The following FBXO38 variants were observed in gnomAD, a reference collection of about 807,000 sequenced individuals.
FBXO38 encodes the protein F-box only protein 38.
A neutral mutation model predicts 131.9 loss-of-function variants in FBXO38; 53 were observed. The ratio of observed to expected loss-of-function variants is 0.40; its 90% CI spans 0.32 to 0.51. The LOEUF (loss-of-function observed/expected upper bound fraction) is 0.51. FBXO38 is among the 20% of genes least tolerant of loss of function. The pLI is 0.53. For missense variants in FBXO38, 1,076 were observed against 1,475.6 expected, an observed-to-expected ratio of 0.73 and a Z score of 4.44; for synonymous variants, 452 against 505.6, an observed-to-expected ratio of 0.89 and a Z score of 1.42.
At chr5:148,396,829 C>T (rs1224139788) in intron 2 of FBXO38, among the ~76,000 whole-genome samples, 1 of 152,076 alleles carries the variant, frequency 6.6e-6, no homozygotes, top group African/African-American at 2.4e-5. Context: ...TTGGTCTTAA[C>T]TTCTGGCCTC....
intron 11 of FBXO38, among the ~76,000 whole-genome samples, chr5:148,416,279 G>C (rs919199939): frequency 1.3e-5 from 2 of 151,896 alleles, no homozygotes; most frequent in African/African-American, 4.8e-5. Context: ...CTCTGGGGAA[G>C]GGTAAGGAAA....
At chr5:148,401,831 A>G in intron 3 of FBXO38, 151 bp from the exon 4 acceptor site, 1 of 595,252 alleles carries the variant, frequency 1.7e-6, no homozygotes, top group Non-Finnish European at 2.8e-6. Context: ...AAAGGAGTAT[A>G]TTTTCTGTTA....
At chr5:148,440,675 T>A in intron 20 of FBXO38, 148 bp downstream of exon 20, 1 of 575,434 alleles carries the variant, frequency 1.7e-6, no homozygotes, top group Non-Finnish European at 3.1e-6. Context: ...CCCTTTCTCA[T>A]TCACGGATGA....
chr5:148,392,636 A>G (rs192171106), intron 1 of FBXO38, among the ~76,000 whole-genome samples: 258 of 146,850 alleles, frequency 1.8e-3, no homozygotes, highest in African/African-American at 6.4e-3. Flanking sequence ...TAATAGCTAA[A>G]TCCTTGGGAA....
In FBXO38 at chr5:148,399,062, G is replaced by A. The variant is rs763779865; in HGVS notation, c.192G>A (p.Val64=). ...TTTCCCGGAAGCTAAAGGAAGCAGT[G>A]ACCCTATATCTGCGAGTTGTGAGAG... The part of the protein sequence containing the change: ...ECLSRKLKEA[V]TLYLRVVRVV... Residue 64 remains valine (V), a synonymous_variant, in exon 3 of 22, where the codon GTG becomes GTA. Coordinates refer to ENST00000340253, the MANE Select transcript of FBXO38 (RefSeq NM_205836.3). 9 of 1,613,596 alleles carry A rather than the reference G, an allele frequency of 5.6e-6. No individual in the cohort carries two copies. Among genetic ancestry groups the A allele is most frequent in the Non-Finnish European group, 7.6e-6 (9 of 1,179,666 alleles).
intron 1 of FBXO38, among the ~76,000 whole-genome samples, chr5:148,386,051 G>GCTAA (rs1757896358): frequency 6.6e-6 from 1 of 152,174 alleles, no homozygotes; most frequent in Non-Finnish European, 1.5e-5. Context: ...GCTTCCTGTG[G>GCTAA]CTAAGGTCAG....
intron 1 of FBXO38, among the ~76,000 whole-genome samples, chr5:148,388,518 G>C (rs1034486090): frequency 6.6e-6 from 1 of 152,224 alleles, no homozygotes; most frequent in Non-Finnish European, 1.5e-5. Context: ...ATCTAAGTTA[G>C]ATCTTTTGGA....
chr5:148,430,328 A>AT (rs1293968541), intron 15 of FBXO38: 37 of 130,264 alleles, frequency 2.8e-4, no homozygotes, highest in Non-Finnish European at 4.5e-4. Flanking sequence ...CTAATTTTTT[A>AT]TTTTTTTTTT....
chr5:148,402,335 C>T lies in FBXO38; in HGVS notation c.427-13C>T, dbSNP rs186474678. ...AAGTCTTTTCTTATGCTTGCTTTGG[C>T]ATTATTTTCTAGGGTGTGGAAACTT... On this transcript the variant is annotated splice_polypyrimidine_tract_variant and intron_variant, in intron 4 of 21. Transcript: ENST00000340253. 1.3e-6 allele frequency: 2 copies of T among 1,584,492 alleles called. No homozygotes were observed. Among genetic ancestry groups the T allele is most frequent in the East Asian group, 2.3e-5 (1 of 44,360 alleles).
chr5:148,391,289 T>C (rs1292444264), intron 1 of FBXO38, among the ~76,000 whole-genome samples: 1 of 152,222 alleles, frequency 6.6e-6, no homozygotes, highest in African/African-American at 2.4e-5. Context: ...ATACATTAGA[T>C]ATTTGAGGAT....
chr5:148,407,890 A>G (rs1467668754), intron 7 of FBXO38, among the ~76,000 whole-genome samples: 2 of 151,888 alleles, frequency 1.3e-5, no homozygotes, highest in African/African-American at 4.8e-5. Flanking sequence ...GCACCACTGC[A>G]CTCCAGCCTG....
chr5:148,409,262 A>C (rs1357823675), intron 8 of FBXO38, 45 bp downstream of exon 8: 1 of 1,280,816 alleles, frequency 7.8e-7, no homozygotes, highest in Non-Finnish European at 1.1e-6. Context: ...AGAAGTAATT[A>C]TGTTTTTCCC....
rs149989156 is a variant in FBXO38 at position 148,399,787 on chromosome 5, G to A, written c.262+655G>A. The stretch of plus-strand genomic sequence containing the variant: ...CAATTAAGGCTTCTTTTCACTTAAC[G>A]CCAATCCATTAATTGGTAAAATTTA... On this transcript the variant is annotated intron_variant, in intron 3 of 21. Transcript: ENST00000340253. Among the ~76,000 whole-genome samples, 373 of 152,102 alleles carry A rather than the reference G, an allele frequency of 2.5e-3. 1 individual carries two copies. Among genetic ancestry groups the A allele is most frequent in the African/African-American group, 8.6e-3 (357 of 41,492 alleles).
intron 15 of FBXO38, among the ~76,000 whole-genome samples, chr5:148,428,182 A>G (rs985751236): frequency 1.3e-5 from 2 of 152,328 alleles, no homozygotes; most frequent in Admixed American, 1.3e-4. Context: ...TTTAAGGAAA[A>G]TGTCATTGTG....
At chr5:148,407,041 C>T (rs1180347252) in intron 7 of FBXO38, among the ~76,000 whole-genome samples, 1 of 152,134 alleles carries the variant, frequency 6.6e-6, no homozygotes, top group Non-Finnish European at 1.5e-5. Flanking sequence ...AATGGAAAGT[C>T]ATCAAGTACC....
intron 1 of FBXO38, among the ~76,000 whole-genome samples, chr5:148,394,425 C>T (rs1275672110): frequency 6.6e-6 from 1 of 152,088 alleles, no homozygotes; most frequent in Non-Finnish European, 1.5e-5. Flanking sequence ...AGTGAATAAG[C>T]TAAGAAGCAA....
chr5:148,389,502 A>T (rs1027940045), intron 1 of FBXO38, among the ~76,000 whole-genome samples: 2 of 152,210 alleles, frequency 1.3e-5, no homozygotes, highest in Non-Finnish European at 2.9e-5. Context: ...AATGCCGATA[A>T]CTGGACTTTC....
intron 1 of FBXO38, among the ~76,000 whole-genome samples, chr5:148,390,194 G>A (rs1758129841): frequency 6.6e-6 from 1 of 152,084 alleles, no homozygotes; most frequent in Non-Finnish European, 1.5e-5. Flanking sequence ...TGAAGATGAA[G>A]CCAACTTTAG....
intron 14 of FBXO38, among the ~76,000 whole-genome samples, chr5:148,426,348 T>C (rs1753713876): frequency 6.6e-6 from 1 of 152,238 alleles, no homozygotes; most frequent in Non-Finnish European, 1.5e-5. Context: ...TTAATATTTT[T>C]GAATGTTCAA....
Sources: allele counts gnomAD v4.1 joint callset (sites outside exome capture counted in the v4.1 genomes callset), GRCh38; gene constraint gnomAD v4.1.1; transcripts MANE v1.5; gene names NCBI Gene and HGNC (gene_info 2026-07-23, HGNC 2026-07-21).